Variants in GANAB observed in about 807,000 individuals in gnomAD.
GANAB encodes the protein glucosidase II alpha subunit.
Under a neutral mutation model 129.9 loss-of-function variants are expected in GANAB, and 35 were observed. The ratio of observed to expected loss-of-function variants is 0.27; its 90% CI spans 0.21 to 0.36. The LOEUF is 0.36. Among genes scored for constraint, GANAB ranks in the 10% least tolerant of loss-of-function variants. The pLI is 1.00. For missense variants in GANAB, 939 were observed against 1,221.0 expected, an observed-to-expected ratio of 0.77 and a Z score of 3.44; for synonymous variants, 482 against 451.8, an observed-to-expected ratio of 1.07 and a Z score of -0.85.
Position 62,634,807 on chromosome 11 carries a change from A to AT in GANAB, c.560+13_560+14insA, listed in dbSNP as rs1943863671. ...TCACACTAGGTTCCCTGCAGTCCCA[A>AT]CCCCTGTACTCACGAGACCCTAGGG... is the stretch of plus-strand genomic sequence containing the variant. On this transcript the variant is annotated intron_variant, in intron 5 of 23. Coordinates refer to ENST00000356638, the MANE Select transcript of GANAB (RefSeq NM_198334.3). The AT allele has an allele frequency of 6.2e-7, 1 of 1,604,562 alleles. No individual in the cohort carries two copies.
In GANAB at chr11:62,625,782, C is replaced by T. The variant is rs1339896709; in HGVS notation, c.*33G>A. On this transcript the variant is annotated 3_prime_UTR_variant, in exon 24 of 24. Coordinates refer to ENST00000356638, the MANE Select transcript of GANAB (RefSeq NM_198334.3). ...AATATCTCTCAGCACTAATGCTCCC[C>T]TTCCCTCCCCCTAACCCAGAACATC... The T allele has an allele frequency of 9.9e-6, 13 of 1,318,904 alleles. No individual in the cohort carries two copies. Among genetic ancestry groups the T allele is most frequent in the Non-Finnish European group, 1.4e-5 (13 of 911,872 alleles). 81.7% of individuals were successfully genotyped at this position (1,318,904 alleles called of 1,614,324 possible). A position where few individuals can be genotyped will look rare whatever the true frequency, so the allele number is the denominator to read the frequency against.
chr11:62,626,803 T>C, intron 20 of GANAB, 57 bp downstream of exon 20: 1 of 1,397,144 alleles, frequency 7.2e-7, no homozygotes, highest in Non-Finnish European at 1.0e-6. Flanking sequence ...ACACATTCCC[T>C]CCCCTTCTGG....
At chr11:62,628,705 A>C (rs1358030604) in intron 17 of GANAB, 64 bp downstream of exon 17, 1 of 1,547,032 alleles carries the variant, frequency 6.5e-7, no homozygotes, top group Admixed American at 1.7e-5. Context: ...CCAGAGATGA[A>C]GCCCAGTCCC....
Position 62,629,201 on chromosome 11 carries a change from GAAGGA to G in GANAB, c.1924_1928del (p.Ser642LeufsTer52), listed in dbSNP as rs762948911. 6.2e-7 allele frequency: 1 copy of G among 1,610,128 alleles called. No individual in the cohort carries two copies. Among genetic ancestry groups the G allele is most frequent in the Non-Finnish European group, 8.5e-7 (1 of 1,176,456 alleles). Reference sequence around the variant, plus strand: ...AATTCCTCCCTGTCTTACCCCCACAGAAGGAAAGTCCCACCAGCCCCAAGCTGAGA... The same window carrying G: ...AATTCCTCCCTGTCTTACCCCCACAGAAGTCCCACCAGCCCCAAGCTGAGA... On this transcript the variant is annotated frameshift_variant, in exon 16 of 24. Coordinates refer to ENST00000356638, the MANE Select transcript of GANAB (RefSeq NM_198334.3). LOFTEE classifies it high-confidence loss of function.
Position 62,629,598 on chromosome 11 carries a change from G to T in GANAB, c.1824C>A (p.Ser608=). The T allele has an allele frequency of 6.2e-7, 1 of 1,605,572 alleles. No individual in the cohort carries two copies. Among genetic ancestry groups the T allele is most frequent in the Non-Finnish European group, 8.5e-7 (1 of 1,175,468 alleles). ...FVLARAFFAG[S]QRFGAVWTGD... ...TTCTCTAAACCTTACCAAAGCGCTG[G>T]GAGCCAGCGAAGAAGGCCCTGGCCA... Residue 608 remains serine, a synonymous_variant, in exon 15 of 24, where the codon TCC becomes TCA. Transcript: ENST00000356638.
chr11:62,628,010 T>C (rs1408339982), intron 17 of GANAB, among the ~76,000 whole-genome samples: 2 of 152,180 alleles, frequency 1.3e-5, no homozygotes, highest in Non-Finnish European at 2.9e-5. Context: ...ACTTTCTTCT[T>C]AATCTCATCT....
At chr11:62,633,420 C>CA in intron 6 of GANAB, 25 bp downstream of exon 6, 4 of 1,612,270 alleles carry the variant, frequency 2.5e-6, no homozygotes, top group Non-Finnish European at 3.4e-6. Context: ...CCCTATCCTC[C>CA]AACCACCCAC....
chr11:62,643,851 G>T (rs1416092364), intron 1 of GANAB, among the ~76,000 whole-genome samples: 1 of 152,168 alleles, frequency 6.6e-6, no homozygotes, highest in African/African-American at 2.4e-5. Context: ...GGCTTGTCTT[G>T]AACTTCTAGG....
At chr11:62,645,597 G>A (rs1944444416) in intron 1 of GANAB, among the ~76,000 whole-genome samples, 1 of 151,800 alleles carries the variant, frequency 6.6e-6, no homozygotes, top group Non-Finnish European at 1.5e-5. Flanking sequence ...TATTTGCACA[G>A]TCTGTAAAAT....
chr11:62,628,064 T>C (rs543247176), intron 17 of GANAB, among the ~76,000 whole-genome samples: 2 of 152,216 alleles, frequency 1.3e-5, no homozygotes, highest in Non-Finnish European at 2.9e-5. Flanking sequence ...TACTGTTTTT[T>C]TCTATTCCTA....
At chr11:62,631,687 T>G (rs531062927) in intron 9 of GANAB, among the ~76,000 whole-genome samples, 1 of 152,206 alleles carries the variant, frequency 6.6e-6, no homozygotes, top group East Asian at 1.9e-4. Context: ...GGTCTCGATC[T>G]CTTGACCTTG....
chr11:62,636,147 C>T (rs531542145), intron 4 of GANAB, among the ~76,000 whole-genome samples: 1 of 151,962 alleles, frequency 6.6e-6, no homozygotes, highest in Non-Finnish European at 1.5e-5. Flanking sequence ...CCCACCACCA[C>T]GCCCGGCTAA....
At chr11:62,638,382 G>C (rs1944043333) in intron 4 of GANAB, among the ~76,000 whole-genome samples, 1 of 152,140 alleles carries the variant, frequency 6.6e-6, no homozygotes, top group African/African-American at 2.4e-5. Context: ...TCCAACTCCT[G>C]ACCTCGTGAT....
chr11:62,627,394 T>C, intron 17 of GANAB, 41 bp from the exon 18 acceptor site: 1 of 1,155,742 alleles, frequency 8.7e-7, no homozygotes, highest in Non-Finnish European at 1.3e-6. Flanking sequence ...CTTTTCAATT[T>C]TGGCACAAGT....
intron 4 of GANAB, among the ~76,000 whole-genome samples, chr11:62,637,960 G>A (rs1350663541): frequency 1.3e-5 from 2 of 151,694 alleles, no homozygotes; most frequent in East Asian, 3.9e-4. Flanking sequence ...CACTTCCTCT[G>A]TAAAGCTCAA....
At chr11:62,628,660 T>C (rs943021132) in intron 17 of GANAB, 109 bp downstream of exon 17, 84 of 1,132,090 alleles carry the variant, frequency 7.4e-5, no homozygotes, top group Admixed American at 1.6e-4. Flanking sequence ...TGATTTTCCA[T>C]CCTTTACAAG....
intron 1 of GANAB, among the ~76,000 whole-genome samples, chr11:62,644,546 AAG>A (rs1944396262): frequency 6.6e-6 from 1 of 151,780 alleles, no homozygotes; most frequent in African/African-American, 2.4e-5. Flanking sequence ...GCCTGAACGC[AAG>A]AGTTTGAGGC....
At chr11:62,639,914 A>G (rs1442261233) in intron 1 of GANAB, 183 bp from the exon 2 acceptor site, 5 of 580,676 alleles carry the variant, frequency 8.6e-6, no homozygotes, top group African/African-American at 1.9e-5. Flanking sequence ...CAGGCCTGAG[A>G]AGTTGGCTCA....
At chr11:62,642,599 TA>T (rs1460255202) in intron 1 of GANAB, among the ~76,000 whole-genome samples, 1 of 152,046 alleles carries the variant, frequency 6.6e-6, no homozygotes, top group Non-Finnish European at 1.5e-5. Flanking sequence ...CATGCCCAGC[TA>T]ATTTTTTGTA....
Sources: gnomAD v4.1 joint callset for allele counts (sites outside exome capture counted in the v4.1 genomes callset) on GRCh38, gnomAD v4.1.1 for gene constraint, MANE v1.5 for transcripts, NCBI Gene and HGNC (gene_info 2026-07-23, HGNC 2026-07-21) for gene names.